The following ABHD16A variants were observed in gnomAD, a reference collection of about 807,000 sequenced individuals.
The protein encoded by ABHD16A is abhydrolase domain containing 16A, phospholipase, also known as phosphatidylserine lipase ABHD16A.
A neutral mutation model predicts 89.8 loss-of-function variants in ABHD16A; 47 were observed. That is an observed-to-expected ratio of 0.52 (90% CI 0.41 to 0.67). The LOEUF is 0.67. ABHD16A is among the 30% of genes least tolerant of loss of function. The pLI, the probability that ABHD16A is intolerant of heterozygous loss-of-function variation, is 0.00. For synonymous variants in ABHD16A, 251 were observed against 280.4 expected, an observed-to-expected ratio of 0.90 and a Z score of 1.05; for missense variants, 580 against 734.6, an observed-to-expected ratio of 0.79 and a Z score of 2.43.
chr6:31,695,311 G>A lies in ABHD16A; in HGVS notation c.429+1637C>T, dbSNP rs375058997. ...ATGCTGTACTCCCAGGCATAGGAGT[G>A]GACACACCTGTCCACCTTGTCCCAT... On this transcript the variant is annotated intron_variant, in intron 5 of 19. Transcript: ENST00000395952. 5.3e-5 allele frequency among the ~76,000 whole-genome samples: 8 copies of A among 152,300 alleles called. No homozygotes were observed. The East Asian group carries it at 1.5e-3, about 29-fold the overall frequency.
rs755133692 is a variant in ABHD16A at position 31,690,623 on chromosome 6, A to G, written c.844-21T>C. ...ATCACCTAGGAAGGAGGCAGGAAGG[A>G]AGGGCTGGGGGGCCAAGTTGGGACT... On this transcript the variant is annotated intron_variant, in intron 9 of 19. Transcript: ENST00000395952. This position sits in a 1 kb window ranked among gnomAD's most constrained non-coding sequence, Gnocchi z 4.1. 6.2e-7 allele frequency: 1 copy of G among 1,612,658 alleles called. No homozygotes were observed. The highest frequency in any genetic ancestry group is 1.3e-5 in the African/African-American group (1 of 75,028).
In ABHD16A at chr6:31,690,604, TAGGA is replaced by T; in HGVS notation, c.844-6_844-3del. The T allele has an allele frequency of 6.2e-7, 1 of 1,612,650 alleles. No homozygotes were observed. The highest frequency in any genetic ancestry group is 1.1e-5 in the South Asian group (1 of 91,068). ...AGCATTCCCCTCACAGCAGATCACCTAGGAAGGAGGCAGGAAGGAAGGGCTGGGG... is the reference window on the plus strand; with the variant it reads ...AGCATTCCCCTCACAGCAGATCACCTAGGAGGCAGGAAGGAAGGGCTGGGG... On this transcript the variant is annotated splice_region_variant and splice_polypyrimidine_tract_variant and intron_variant, in intron 9 of 19. Coordinates refer to ENST00000395952, the MANE Select transcript of ABHD16A (RefSeq NM_021160.3). The surrounding 1 kb of genome is among the most constrained non-coding windows in gnomAD (Gnocchi z 4.1).
In ABHD16A at chr6:31,687,329, A is replaced by G. The variant is rs747587932; in HGVS notation, c.1594-34T>C. 1 of 1,609,752 alleles carries G rather than the reference A, an allele frequency of 6.2e-7. No individual in the cohort carries two copies. The highest frequency in any genetic ancestry group is 8.5e-7 in the Non-Finnish European group (1 of 1,177,394). On this transcript the variant is annotated intron_variant, in intron 19 of 19. Coordinates refer to ENST00000395952, the MANE Select transcript of ABHD16A (RefSeq NM_021160.3). This position sits in a 1 kb window ranked among gnomAD's most constrained non-coding sequence, Gnocchi z 6.3. ...AGGAGGTGGGACAGGTGGGGTACAG[A>G]GCACTGTTGGGAGGGGCAGCCACTG...
Position 31,688,575 on chromosome 6 carries a change from G to C in ABHD16A, c.1250+148C>G. On this transcript the variant is annotated intron_variant, in intron 14 of 19. Coordinates refer to ENST00000395952, the MANE Select transcript of ABHD16A (RefSeq NM_021160.3). The surrounding 1 kb of genome is among the most constrained non-coding windows in gnomAD (Gnocchi z 4.9). ...GTCCCAGGGGACCTGGGAGGGGTTA[G>C]GCCAGTTGAGGTGGTGGCAGGGTCA... is the stretch of plus-strand genomic sequence containing the variant. 3 of 998,650 alleles carry C rather than the reference G, an allele frequency of 3.0e-6. No individual in the cohort carries two copies. The highest frequency in any genetic ancestry group is 4.5e-6 in the Non-Finnish European group (3 of 673,484). The allele number at this position is 998,650 out of a possible 1,614,324, so 61.9% of individuals were successfully genotyped here. A position where few individuals can be genotyped will look rare whatever the true frequency, so the allele number is the denominator to read the frequency against.
chr6:31,701,486 G>C, intron 2 of ABHD16A, 146 bp from the exon 3 acceptor site: 1 of 680,360 alleles, frequency 1.5e-6, no homozygotes, highest in Non-Finnish European at 2.5e-6. Context: ...AATACAGTAG[G>C]TGCTCAGTAT....
In ABHD16A at chr6:31,691,626, T is replaced by C; in HGVS notation, c.796A>G (p.Met266Val). The C allele has an allele frequency of 1.2e-6, 2 of 1,612,796 alleles. No individual in the cohort carries two copies. Among genetic ancestry groups the C allele is most frequent in the South Asian group, 1.1e-5 (1 of 91,080 alleles). The change falls in exon 9 of 20, where the codon ATG (methionine) becomes GTG (valine). Residue 266 changes from methionine (M) to valine (V), a missense_variant. Met to Val is a conservative substitution (Grantham distance 21, BLOSUM62 1). Transcript: ENST00000395952. Reference sequence around the variant, plus strand: ...GCTGTCCCCCGCCGGTCCACAAACATGGTGTCAATCTCATTGCCATCACAG... The same window carrying C: ...GCTGTCCCCCGCCGGTCCACAAACACGGTGTCAATCTCATTGCCATCACAG... ...LACDGNEIDT[M>V]FVDRRGTAEP...
intron 9 of ABHD16A, 171 bp downstream of exon 9, chr6:31,691,408 G>A (rs1298787557): frequency 1.7e-6 from 1 of 605,476 alleles, no homozygotes; most frequent in African/African-American, 1.8e-5. Flanking sequence ...TACTTCATCT[G>A]TTTCTCTATC....
intron 4 of ABHD16A, among the ~76,000 whole-genome samples, chr6:31,697,949 G>A (rs886998948): frequency 6.6e-6 from 1 of 152,160 alleles, no homozygotes; most frequent in Non-Finnish European, 1.5e-5. Flanking sequence ...ATTTCAGAGA[G>A]GGATAAGTGC....
At chr6:31,702,741 A>G (rs1374022469) in intron 1 of ABHD16A, 2 of 1,537,620 alleles carry the variant, frequency 1.3e-6, no homozygotes, top group Non-Finnish European at 1.8e-6. Flanking sequence ...GGGTAAAGGG[A>G]AGATAAAAAC....
In ABHD16A at chr6:31,690,486, A is replaced by C; in HGVS notation, c.907+53T>G. On this transcript the variant is annotated intron_variant, in intron 10 of 19. Coordinates refer to ENST00000395952, the MANE Select transcript of ABHD16A (RefSeq NM_021160.3). The surrounding 1 kb of genome is among the most constrained non-coding windows in gnomAD (Gnocchi z 4.1). The stretch of plus-strand genomic sequence containing the variant: ...GGGAGGTCAGGTCAGTGTGGGAGGC[A>C]GGGACATTCCCTTTCAAAGGGCGGA... 6.3e-7 allele frequency: 1 copy of C among 1,588,834 alleles called. No individual in the cohort carries two copies. Among genetic ancestry groups the C allele is most frequent in the Non-Finnish European group, 8.6e-7 (1 of 1,158,050 alleles).
At chr6:31,689,795 A>G in intron 11 of ABHD16A, 91 bp from the exon 12 acceptor site, 1 of 1,507,304 alleles carries the variant, frequency 6.6e-7, no homozygotes. Flanking sequence ...GCAGCCACCT[A>G]TGACAGGCAG....
Position 31,688,165 on chromosome 6 carries a change from C to T in ABHD16A, c.1308-62G>A, listed in dbSNP as rs1263145415. The T allele has an allele frequency of 2.5e-6, 4 of 1,605,408 alleles. No individual in the cohort carries two copies. The East Asian group carries it at 8.9e-5, about 36-fold the overall frequency. On this transcript the variant is annotated intron_variant, in intron 15 of 19. Transcript: ENST00000395952. This position sits in a 1 kb window ranked among gnomAD's most constrained non-coding sequence, Gnocchi z 4.9. The stretch of plus-strand genomic sequence containing the variant: ...GGTTAGGAGGAAGGGTCTAGATACC[C>T]AGGTTTCTGGTGGGCAGAGGTAGAA...
intron 4 of ABHD16A, among the ~76,000 whole-genome samples, chr6:31,697,322 C>A (rs912285917): frequency 2.0e-5 from 3 of 152,216 alleles, no homozygotes; most frequent in African/African-American, 7.2e-5. Context: ...AGTCTTTAAA[C>A]ACTGTCATAT....
At position 31,697,012 on chromosome 6, in the gene ABHD16A, G is replaced by A. The variant is rs749371040; in HGVS notation, c.365C>T (p.Pro122Leu). Residue 122 changes from proline to leucine, a missense_variant, in exon 5 of 20, where the codon CCC becomes CTC. Physicochemically the swap from Pro to Leu is moderately conservative, Grantham distance 98. This residue lies in a region of ABHD16A where 165 missense variants were observed against 165.8 expected (regional missense o/e 1.00). Coordinates refer to ENST00000395952, the MANE Select transcript of ABHD16A (RefSeq NM_021160.3). Reference sequence around the variant, plus strand: ...GATGGTGATGAACTGCCGGTACTGGGGGTTGGTCCAGCGGCCAATGCCTGG... The same window carrying A: ...GATGGTGATGAACTGCCGGTACTGGAGGTTGGTCCAGCGGCCAATGCCTGG... ...CLRGIGRWTN[P>L]QYRQFITILE... The A allele has an allele frequency of 2.5e-6, 4 of 1,613,086 alleles. No individual in the cohort carries two copies. The highest frequency in any genetic ancestry group is 3.4e-6 in the Non-Finnish European group (4 of 1,180,014).
Position 31,689,874 on chromosome 6 carries a change from T to C in ABHD16A, c.958-170A>G, listed in dbSNP as rs9469035. Among the ~76,000 whole-genome samples the C allele has an allele frequency of 4.2e-3, 642 of 152,252 alleles. 4 individuals are homozygous for C. Among genetic ancestry groups the C allele is most frequent in the African/African-American group, 0.014 (565 of 41,536 alleles). ...CAGAAGACGGATGTGTACAATGAGA[T>C]CTACCTCCTCCTCTCCTGCTAGCCC... On this transcript the variant is annotated intron_variant, in intron 11 of 19. Coordinates refer to ENST00000395952, the MANE Select transcript of ABHD16A (RefSeq NM_021160.3).
In ABHD16A at chr6:31,689,029, A is replaced by G; in HGVS notation, c.1172T>C (p.Met391Thr). 1 of 1,613,786 alleles carries G rather than the reference A, an allele frequency of 6.2e-7. No homozygotes were observed. The highest frequency in any genetic ancestry group is 1.1e-5 in the South Asian group (1 of 91,028). The change falls in exon 13 of 20, where the codon ATG becomes ACG. Residue 391 changes from methionine (M) to threonine (T), a missense_variant. Physicochemically the swap from Met to Thr is moderately conservative, Grantham distance 81. Coordinates refer to ENST00000395952, the MANE Select transcript of ABHD16A (RefSeq NM_021160.3). ...GCTGCACTCACTCCAGCTGTCTGGC[A>G]TGACCTTCAAGGCCAAGGGCACCAG... ...DDLVPLALKV[M>T]PDSWRGLVTR...
chr6:31,688,884 A>G lies in ABHD16A; in HGVS notation c.1187-98T>C. 6.9e-7 allele frequency: 1 copy of G among 1,445,018 alleles called. No individual in the cohort carries two copies. The allele number at this position is 1,445,018 out of a possible 1,614,324, so 89.5% of individuals were successfully genotyped here. ...GGAGAAAGAAAACTGAGGCCCCCAG[A>G]CAAAGGAGTCCTCCTGCTTCCAACA... is the stretch of plus-strand genomic sequence containing the variant. On this transcript the variant is annotated intron_variant, in intron 13 of 19. Transcript: ENST00000395952. This position sits in a 1 kb window ranked among gnomAD's most constrained non-coding sequence, Gnocchi z 4.9.
At chr6:31,702,023 G>A (rs1158002819) in intron 2 of ABHD16A, 51 bp downstream of exon 2, 3 of 1,606,966 alleles carry the variant, frequency 1.9e-6, no homozygotes, top group Admixed American at 1.7e-5. Flanking sequence ...AAGTTCAAGA[G>A]GACAGGTGGG....
rs145269002 is a variant in ABHD16A at position 31,696,971 on chromosome 6, G to A, written c.406C>T (p.Arg136Trp). Residue 136 changes from arginine (R) to tryptophan (W), a missense_variant, in exon 5 of 20, where the codon CGG (arginine) becomes TGG (tryptophan). Around this residue, in one of 2 missense-constraint regions of ABHD16A, gnomAD observed 415 missense variants for 568.8 expected, o/e 0.73. Transcript: ENST00000395952. ...QFITILEATH[R>W]NQSSENKRQL... ...ACCTTGTTTTCTGAAGACTGGTTCC[G>A]ATGTGTTGCTTCCAAGATGGTGATG... 1.5e-4 allele frequency: 244 copies of A among 1,613,060 alleles called. 1 individual carries two copies. Among genetic ancestry groups the A allele is most frequent in the Middle Eastern group, 6.6e-4 (4 of 6,062 alleles).
Sources: allele counts gnomAD v4.1 joint callset (sites outside exome capture counted in the v4.1 genomes callset), GRCh38; gene constraint gnomAD v4.1.1; regional missense constraint gnomAD v4.1.1; non-coding constraint Gnocchi (gnomAD v3.1); transcripts MANE v1.5; gene names NCBI Gene and HGNC (gene_info 2026-07-23, HGNC 2026-07-21).